SNTG2: variants seen among roughly 807,000 people sequenced by gnomAD.
The protein encoded by SNTG2 is gamma-2-syntrophin.
In SNTG2, 74 loss-of-function variants were observed where a neutral mutation model predicts 70.9. The observed-to-expected ratio is 1.04, with a 90% confidence interval of 0.86 to 1.27. The LOEUF (loss-of-function observed/expected upper bound fraction) is 1.27. SNTG2 is among the 50% of genes most tolerant of loss of function. The probability of loss-of-function intolerance (pLI) is 0.00; values close to 1 mark genes in which losing one functional copy is unlikely to be tolerated. For synonymous variants in SNTG2, 278 were observed against 273.8 expected (o/e 1.02, Z -0.15); for missense variants, 717 against 690.7 (o/e 1.04, Z -0.43).
At chr2:1,042,603 C>A (rs944489045) in intron 1 of SNTG2, among the ~76,000 whole-genome samples, 2 of 152,172 alleles carry the variant, frequency 1.3e-5, no homozygotes, top group African/African-American at 4.8e-5. Flanking sequence ...CTCCCACTTA[C>A]AAATGAGAAT....
intron 9 of SNTG2, among the ~76,000 whole-genome samples, chr2:1,221,443 G>GTCTC (rs1361819655): frequency 2.2e-5 from 2 of 91,718 alleles, no homozygotes; most frequent in African/African-American, 1.2e-4. Context: ...CTCTGTCTCT[G>GTCTC]TCTCTGTCTC....
intron 14 of SNTG2, among the ~76,000 whole-genome samples, chr2:1,281,512 GTT>G (rs1679542848): frequency 1.2e-5 from 1 of 86,934 alleles, no homozygotes. Context: ...TATGTGGTGT[GTT>G]GTGTGGTGTG....
At chr2:1,281,042 G>T (rs986309213) in intron 14 of SNTG2, among the ~76,000 whole-genome samples, 15 of 152,178 alleles carry the variant, frequency 9.9e-5, no homozygotes, top group Non-Finnish European at 1.9e-4. Context: ...TTATTCAGTT[G>T]TGCTTGTCGC....
chr2:1,061,887 T>G (rs568371494), intron 1 of SNTG2, among the ~76,000 whole-genome samples: 2 of 152,330 alleles, frequency 1.3e-5, no homozygotes, highest in East Asian at 3.9e-4. Flanking sequence ...TATTACTTGG[T>G]AGTATTTAAG....
intron 14 of SNTG2, among the ~76,000 whole-genome samples, chr2:1,278,981 C>T (rs1303497864): frequency 3.0e-5 from 3 of 101,332 alleles, no homozygotes; most frequent in East Asian, 2.6e-4. Flanking sequence ...CCTGTCAGCG[C>T]GCGAATCACC....
intron 6 of SNTG2, among the ~76,000 whole-genome samples, chr2:1,148,819 G>A (rs1016713883): frequency 2.2e-4 from 13 of 57,894 alleles, no homozygotes; most frequent in African/African-American, 8.2e-4. Context: ...GAGAGAAGGT[G>A]AAGGTGGAGG....
At chr2:1,243,997 GC>G (rs1037596377) in intron 11 of SNTG2, among the ~76,000 whole-genome samples, 121 of 152,344 alleles carry the variant, frequency 7.9e-4, no homozygotes, top group African/African-American at 2.8e-3. Context: ...CTGCACTCCA[GC>G]CCGGGCGACA....
chr2:1,208,385 A>G (rs1432088080), intron 8 of SNTG2, among the ~76,000 whole-genome samples: 4 of 152,200 alleles, frequency 2.6e-5, no homozygotes, highest in Non-Finnish European at 5.9e-5. Flanking sequence ...CACCTGGTTC[A>G]TTCCCAGCGA....
At chr2:1,310,399 T>C (rs1373754722) in intron 15 of SNTG2, among the ~76,000 whole-genome samples, 1 of 152,190 alleles carries the variant, frequency 6.6e-6, no homozygotes, top group African/African-American at 2.4e-5. Flanking sequence ...AGAGGTCACG[T>C]GTCTCTCTGT....
intron 1 of SNTG2, among the ~76,000 whole-genome samples, chr2:1,050,154 T>G (rs1429301133): frequency 6.6e-6 from 1 of 152,224 alleles, no homozygotes; most frequent in Non-Finnish European, 1.5e-5. Flanking sequence ...GGGTTCCCTT[T>G]TACTCTCTTG....
intron 4 of SNTG2, among the ~76,000 whole-genome samples, chr2:1,124,770 G>T (rs1346690089): frequency 6.6e-6 from 1 of 152,164 alleles, no homozygotes. Context: ...TAATACAGTG[G>T]TCACCAGAAG....
chr2:1,124,128 A>C (rs1447469978), intron 4 of SNTG2, among the ~76,000 whole-genome samples: 2 of 112,120 alleles, frequency 1.8e-5, no homozygotes, highest in African/African-American at 8.3e-5. Flanking sequence ...TCTTGTTTTC[A>C]TTATAAAAAC....
Position 1,231,841 on chromosome 2 carries a change from C to T in SNTG2, c.720-6047C>T, listed in dbSNP as rs114062483. Among the ~76,000 whole-genome samples the T allele has an allele frequency of 6.2e-3, 949 of 152,250 alleles. 12 individuals are homozygous for T. Among genetic ancestry groups the T allele is most frequent in the African/African-American group, 0.022 (906 of 41,492 alleles). On this transcript the variant is annotated intron_variant, in intron 9 of 16. Transcript: ENST00000308624. ...CTCACAAAGCAAACACTCACGTGTGCCTACTGAGTGCCAGGGCTGTTAGTG... is the reference window on the plus strand; with the variant it reads ...CTCACAAAGCAAACACTCACGTGTGTCTACTGAGTGCCAGGGCTGTTAGTG...
In SNTG2 at chr2:1,134,406, C is replaced by G. The variant is rs547051711; in HGVS notation, c.326-3216C>G. Among the ~76,000 whole-genome samples, 26 of 151,768 alleles carry G rather than the reference C, an allele frequency of 1.7e-4. 2 individuals are homozygous for G. The South Asian group carries it at 4.4e-3, about 26-fold the overall frequency. On this transcript the variant is annotated intron_variant, in intron 4 of 16. Transcript: ENST00000308624. ...GAGTTTACAATCCCTGAGCTAGACA[C>G]AAAGGTTCTCCACTTCCCCACTAGA...
At chr2:1,230,507 G>C (rs1676144590) in intron 9 of SNTG2, among the ~76,000 whole-genome samples, 1 of 152,174 alleles carries the variant, frequency 6.6e-6, no homozygotes, top group Admixed American at 6.5e-5. Flanking sequence ...CTGCTGCTGG[G>C]GGTGCCCACC....
At chr2:1,290,317 C>CT (rs34782770) in intron 14 of SNTG2, among the ~76,000 whole-genome samples, 18,547 of 144,318 alleles carry the variant, frequency 0.13, 1,244 homozygotes, top group South Asian at 0.23. Context: ...GTTCTACATC[C>CT]TTTTTTTTTT....
intron 8 of SNTG2, among the ~76,000 whole-genome samples, chr2:1,201,956 AGAG>A (rs1464318369): frequency 6.6e-5 from 10 of 152,062 alleles, no homozygotes; most frequent in African/African-American, 2.2e-4. Flanking sequence ...CCAAGGAAGA[AGAG>A]AAGGTTTAGG....
At chr2:1,289,835 G>A (rs913665363) in intron 14 of SNTG2, among the ~76,000 whole-genome samples, 4 of 152,068 alleles carry the variant, frequency 2.6e-5, no homozygotes, top group Non-Finnish European at 4.4e-5. Context: ...TCCACTCCCC[G>A]TCTCTATGAA....
At chr2:1,339,309 A>T (rs912102315) in intron 16 of SNTG2, among the ~76,000 whole-genome samples, 1 of 152,166 alleles carries the variant, frequency 6.6e-6, no homozygotes, top group Admixed American at 6.5e-5. Context: ...TCCATTCTGT[A>T]GTTTGTCTTT....
Sources: allele counts gnomAD v4.1 joint callset (sites outside exome capture counted in the v4.1 genomes callset), GRCh38; gene constraint gnomAD v4.1.1; transcripts MANE v1.5; gene names NCBI Gene and HGNC (gene_info 2026-07-23, HGNC 2026-07-21).